PIK3CB: variants seen among roughly 807,000 people sequenced by gnomAD.
PIK3CB encodes phosphatidylinositol-4,5-bisphosphate 3-kinase catalytic subunit beta, also known as phosphatidylinositol 4,5-bisphosphate 3-kinase catalytic subunit beta isoform.
In PIK3CB, 39 loss-of-function variants were observed where a neutral mutation model predicts 136.8. The observed-to-expected ratio is 0.29, with a 90% confidence interval of 0.22 to 0.37. The LOEUF (loss-of-function observed/expected upper bound fraction) is 0.37. Ranked by LOEUF, PIK3CB falls within the 10% of genes least tolerant of loss-of-function variation. The pLI is 1.00. For synonymous variants in PIK3CB, 428 were observed against 436.6 expected (o/e 0.98, Z 0.25); for missense variants, 868 against 1,275.4 (o/e 0.68, Z 4.87).
chr3:138,731,636 G>T (rs745637553), intron 8 of PIK3CB, among the ~76,000 whole-genome samples: 3 of 151,930 alleles, frequency 2.0e-5, no homozygotes, highest in Non-Finnish European at 2.9e-5. Flanking sequence ...ATAAAAACAG[G>T]ATTACCACTA....
At chr3:138,670,092 C>T (rs2043503227) in intron 19 of PIK3CB, among the ~76,000 whole-genome samples, 1 of 152,170 alleles carries the variant, frequency 6.6e-6, no homozygotes, top group Admixed American at 6.5e-5. Flanking sequence ...CAGCTAGACA[C>T]TAGGTTTATT....
chr3:138,662,514 T>A (rs1376518386), intron 21 of PIK3CB, among the ~76,000 whole-genome samples: 1 of 150,362 alleles, frequency 6.7e-6, no homozygotes, highest in Non-Finnish European at 1.5e-5. Context: ...TCTATCATTG[T>A]TGGACATTTG....
chr3:138,783,137 G>A (rs1286941601), intron 2 of PIK3CB, among the ~76,000 whole-genome samples: 1 of 152,154 alleles, frequency 6.6e-6, no homozygotes, highest in Non-Finnish European at 1.5e-5. Flanking sequence ...TCTGCACAAT[G>A]CATTTTAAAA....
chr3:138,785,674 C>T (rs919719256), intron 2 of PIK3CB, among the ~76,000 whole-genome samples: 2 of 151,996 alleles, frequency 1.3e-5, no homozygotes, highest in Non-Finnish European at 2.9e-5. Flanking sequence ...GGGACGCAAA[C>T]GCTGCGGAAG....
At chr3:138,681,620 G>A (rs1336264518) in intron 19 of PIK3CB, among the ~76,000 whole-genome samples, 1 of 152,100 alleles carries the variant, frequency 6.6e-6, no homozygotes, top group African/African-American at 2.4e-5. Context: ...AATGTCCCTG[G>A]ACTAAGTATA....
At chr3:138,747,518 A>G (rs2045385070) in intron 4 of PIK3CB, among the ~76,000 whole-genome samples, 1 of 152,098 alleles carries the variant, frequency 6.6e-6, no homozygotes, top group African/African-American at 2.4e-5. Context: ...TAATACAGTT[A>G]ATTTTATGCA....
intron 8 of PIK3CB, among the ~76,000 whole-genome samples, chr3:138,717,711 T>G (rs2044642137): frequency 6.6e-6 from 1 of 152,164 alleles, no homozygotes; most frequent in Non-Finnish European, 1.5e-5. Flanking sequence ...TCAAGTAGGC[T>G]CCAGTGTCTG....
intron 13 of PIK3CB, among the ~76,000 whole-genome samples, chr3:138,696,487 A>G (rs1195293115): frequency 6.6e-6 from 1 of 152,120 alleles, no homozygotes; most frequent in Non-Finnish European, 1.5e-5. Flanking sequence ...TACCCAGCCT[A>G]AATTTTAACT....
intron 4 of PIK3CB, among the ~76,000 whole-genome samples, chr3:138,743,091 TAA>T (rs1003282561): frequency 8.5e-5 from 13 of 152,160 alleles, no homozygotes; most frequent in African/African-American, 3.1e-4. Flanking sequence ...AAGCCACACA[TAA>T]AAGATTCATT....
At chr3:138,801,633 G>A (rs191622642) in intron 1 of PIK3CB, among the ~76,000 whole-genome samples, 10 of 152,080 alleles carry the variant, frequency 6.6e-5, no homozygotes, top group Middle Eastern at 3.4e-3. Flanking sequence ...CACTTTGGGA[G>A]GCCGAGGCAG....
chr3:138,709,916 C>T (rs2044459816), intron 10 of PIK3CB, among the ~76,000 whole-genome samples: 1 of 151,646 alleles, frequency 6.6e-6, no homozygotes, highest in East Asian at 1.9e-4. Flanking sequence ...GTGGCTCATG[C>T]CTATAATCCT....
chr3:138,701,519 G>A (rs2044252180), intron 12 of PIK3CB, among the ~76,000 whole-genome samples: 1 of 152,116 alleles, frequency 6.6e-6, no homozygotes, highest in Non-Finnish European at 1.5e-5. Context: ...GGGCGTGGTG[G>A]CTGACGCCTG....
Position 138,779,052 on chromosome 3 carries a change from A to AT in PIK3CB, c.-17+17410dup, listed in dbSNP as rs551774770. 3.2e-4 allele frequency among the ~76,000 whole-genome samples: 47 copies of AT among 148,596 alleles called. No homozygotes were observed. In the Middle Eastern group the frequency reaches 0.01, roughly 33 times the overall value. On this transcript the variant is annotated intron_variant, in intron 2 of 23. Transcript: ENST00000674063. The stretch of plus-strand genomic sequence containing the variant: ...CAAAAAAAAAAATAGCAACACACAC[A>AT]TTTTCCAAATATATATCTTACTCTA...
At chr3:138,814,038 A>G (rs1167360862) in intron 1 of PIK3CB, among the ~76,000 whole-genome samples, 1 of 152,170 alleles carries the variant, frequency 6.6e-6, no homozygotes, top group East Asian at 1.9e-4. Flanking sequence ...CTCTACATGA[A>G]TCAACACATG....
intron 1 of PIK3CB, among the ~76,000 whole-genome samples, chr3:138,816,170 G>A (rs1483367143): frequency 6.6e-6 from 1 of 152,128 alleles, no homozygotes; most frequent in East Asian, 1.9e-4. Context: ...AGGCATAGTG[G>A]CGCATGCCTG....
At chr3:138,764,691 A>G (rs2045708677) in intron 2 of PIK3CB, among the ~76,000 whole-genome samples, 1 of 152,220 alleles carries the variant, frequency 6.6e-6, no homozygotes, top group South Asian at 2.1e-4. Flanking sequence ...TAGTCCAGTC[A>G]TGCTGAATCA....
At position 138,785,236 on chromosome 3, in the gene PIK3CB, C is replaced by T. The variant is rs553657396; in HGVS notation, c.-17+11227G>A. 3.9e-3 allele frequency among the ~76,000 whole-genome samples: 570 copies of T among 146,788 alleles called. 5 individuals carry two copies. The highest frequency in any genetic ancestry group is 0.014 in the African/African-American group (547 of 39,468). Reference sequence around the variant, plus strand: ...CCAGCCGCCCTGTCCCGGAGGGAGGCGGGGGGAAGCTCCCGCCCGGCAGCC... The same window carrying T: ...CCAGCCGCCCTGTCCCGGAGGGAGGTGGGGGGAAGCTCCCGCCCGGCAGCC... On this transcript the variant is annotated intron_variant, in intron 2 of 23. Transcript: ENST00000674063.
intron 8 of PIK3CB, among the ~76,000 whole-genome samples, chr3:138,726,886 CAAA>C (rs35003110): frequency 2.2e-5 from 3 of 139,454 alleles, no homozygotes; most frequent in East Asian, 2.1e-4. Flanking sequence ...TATAAAAAGT[CAAA>C]AAAAAAAAAA....
At chr3:138,833,501 A>AT (rs1934136885) in intron 1 of PIK3CB, among the ~76,000 whole-genome samples, 1 of 152,194 alleles carries the variant, frequency 6.6e-6, no homozygotes, top group African/African-American at 2.4e-5. Context: ...ACAATGTAGC[A>AT]TAAAAATCCC....
Sources: gnomAD v4.1 joint callset for allele counts (sites outside exome capture counted in the v4.1 genomes callset) on GRCh38, gnomAD v4.1.1 for gene constraint, MANE v1.5 for transcripts, NCBI Gene and HGNC (gene_info 2026-07-23, HGNC 2026-07-21) for gene names.